The following EXOC2 variants were observed in gnomAD, a reference collection of about 807,000 sequenced individuals.
The protein encoded by EXOC2 is exocyst complex component 2, also known as SEC5-like 1.
Under a neutral mutation model 131.8 loss-of-function variants are expected in EXOC2, and 70 were observed. The observed-to-expected ratio is 0.53, with a 90% CI of 0.44 to 0.65. EXOC2 has a LOEUF of 0.65. Ranked by LOEUF, EXOC2 falls within the 30% of genes least tolerant of loss-of-function variation. EXOC2 has a pLI of 0.00. For synonymous variants in EXOC2, 411 were observed against 398.4 expected (o/e 1.03, Z -0.38); for missense variants, 923 against 1,108.6 (o/e 0.83, Z 2.38).
At chr6:681,369 G>C (rs977857064) in intron 1 of EXOC2, among the ~76,000 whole-genome samples, 1 of 152,184 alleles carries the variant, frequency 6.6e-6, no homozygotes, top group African/African-American at 2.4e-5. Context: ...GAGGTGAAAA[G>C]TTTGATATTC....
At chr6:605,415 C>T (rs146879411) in intron 7 of EXOC2, among the ~76,000 whole-genome samples, 1 of 152,346 alleles carries the variant, frequency 6.6e-6, no homozygotes, top group African/African-American at 2.4e-5. Context: ...TCAACTTCTT[C>T]CTGGTTTAGA....
At position 690,560 on chromosome 6, in the gene EXOC2, G is replaced by A. The variant is rs150674154; in HGVS notation, c.-44+2459C>T. Among the ~76,000 whole-genome samples, 1,469 of 152,112 alleles carry A rather than the reference G, an allele frequency of 9.7e-3. 14 individuals are homozygous for A. Among genetic ancestry groups the A allele is most frequent in the African/African-American group, 0.033 (1,366 of 41,496 alleles). On this transcript the variant is annotated intron_variant, in intron 1 of 27. Transcript: ENST00000230449. The stretch of plus-strand genomic sequence containing the variant: ...CTACTAAAAATACAAAAAGTTAGTC[G>A]GGCGTGGTGACGGGCGCCTGTAGTC...
chr6:673,546 A>G (rs1410802410), intron 1 of EXOC2, among the ~76,000 whole-genome samples: 2 of 152,144 alleles, frequency 1.3e-5, no homozygotes, highest in African/African-American at 4.8e-5. Flanking sequence ...AGGAGCGAAA[A>G]CGTTTCTAAC....
intron 13 of EXOC2, among the ~76,000 whole-genome samples, chr6:568,477 C>G (rs572517075): frequency 6.6e-6 from 1 of 152,200 alleles, no homozygotes; most frequent in Admixed American, 6.5e-5. Flanking sequence ...CAGACCCTTG[C>G]GGCTTGTCAG....
intron 2 of EXOC2, among the ~76,000 whole-genome samples, chr6:636,441 C>T (rs1762105756): frequency 6.6e-6 from 1 of 152,182 alleles, no homozygotes; most frequent in Non-Finnish European, 1.5e-5. Flanking sequence ...ATGCCGGTCA[C>T]AGTTAGAGAA....
chr6:672,465 C>A (rs928132114), intron 1 of EXOC2, among the ~76,000 whole-genome samples: 1 of 152,146 alleles, frequency 6.6e-6, no homozygotes, highest in African/African-American at 2.4e-5. Context: ...TGGTTTTTGT[C>A]TTTCATTTCT....
At chr6:624,992 T>C (rs545817254) in intron 4 of EXOC2, among the ~76,000 whole-genome samples, 25 of 152,358 alleles carry the variant, frequency 1.6e-4, no homozygotes, top group African/African-American at 5.3e-4. Context: ...GACCCTACTG[T>C]GTAAACTCAC....
At chr6:545,616 G>A (rs755267749) in intron 22 of EXOC2, among the ~76,000 whole-genome samples, 4 of 152,102 alleles carry the variant, frequency 2.6e-5, no homozygotes, top group Admixed American at 6.5e-5. Context: ...TTAACCTATC[G>A]AATTAAACAT....
At chr6:615,724 GA>G (rs199694152) in intron 6 of EXOC2, among the ~76,000 whole-genome samples, 125 of 101,894 alleles carry the variant, frequency 1.2e-3, no homozygotes, top group Middle Eastern at 5.7e-3. Context: ...CATCTCAAAA[GA>G]AAAAAAAAAA....
chr6:540,117 G>C (rs1011281301), intron 22 of EXOC2, among the ~76,000 whole-genome samples: 9 of 152,162 alleles, frequency 5.9e-5, no homozygotes, highest in Non-Finnish European at 1.3e-4. Flanking sequence ...ACCATGCCCA[G>C]CTAATTTTTT....
rs1478639184 is a variant in EXOC2, at chr6:530,225, GAA to G, written c.2380+2242_2380+2243del. Among the ~76,000 whole-genome samples the G allele has an allele frequency of 4.6e-5, 7 of 152,194 alleles. No homozygotes were observed. The East Asian group carries it at 1.3e-3, about 29-fold the overall frequency. On this transcript the variant is annotated intron_variant, in intron 23 of 27. Coordinates refer to ENST00000230449, the MANE Select transcript of EXOC2 (RefSeq NM_018303.6). ...TACTTTCCTACTGAGAAAATTTTGA[GAA>G]AAATCAGGCAAAAGCATATGGCAAA...
At chr6:560,510 C>A (rs149194748) in intron 17 of EXOC2, among the ~76,000 whole-genome samples, 1 of 152,192 alleles carries the variant, frequency 6.6e-6, no homozygotes, top group African/African-American at 2.4e-5. Flanking sequence ...CTATTTAATG[C>A]AGTCTATCCA....
At chr6:573,044 C>G (rs1236997969) in intron 12 of EXOC2, among the ~76,000 whole-genome samples, 2 of 152,200 alleles carry the variant, frequency 1.3e-5, no homozygotes, top group African/African-American at 4.8e-5. Flanking sequence ...GCTGTGCAGC[C>G]AGTTGTGAAA....
At chr6:623,455 A>G (rs1306312829) in intron 4 of EXOC2, among the ~76,000 whole-genome samples, 1 of 152,256 alleles carries the variant, frequency 6.6e-6, no homozygotes, top group Admixed American at 6.5e-5. Flanking sequence ...ACATGTATTG[A>G]GACTTATAGC....
chr6:656,745 C>A (rs898043016), intron 1 of EXOC2: 22 of 1,588,842 alleles, frequency 1.4e-5, no homozygotes, highest in African/African-American at 6.7e-5. Flanking sequence ...ACCTTCCATG[C>A]GAAACTGCTG....
chr6:668,896 TG>T (rs1763734429), intron 1 of EXOC2, among the ~76,000 whole-genome samples: 1 of 152,234 alleles, frequency 6.6e-6, no homozygotes, highest in South Asian at 2.1e-4. Context: ...ATTGCTGCAT[TG>T]TTTTTTTCTG....
At chr6:592,124 C>T (rs1338416825) in intron 11 of EXOC2, among the ~76,000 whole-genome samples, 2 of 152,064 alleles carry the variant, frequency 1.3e-5, no homozygotes, top group East Asian at 1.9e-4. Flanking sequence ...GTCTTACTAG[C>T]GATGGGTGCA....
intron 23 of EXOC2, among the ~76,000 whole-genome samples, chr6:520,707 CGGA>C (rs1179554967): frequency 7.9e-6 from 1 of 126,818 alleles, no homozygotes; most frequent in Non-Finnish European, 1.6e-5. Flanking sequence ...CGTCCACACT[CGGA>C]GACGAAAACA....
chr6:667,911 ATCCG>A (rs1347642323), intron 1 of EXOC2, among the ~76,000 whole-genome samples: 69 of 144,178 alleles, frequency 4.8e-4, no homozygotes, highest in Non-Finnish European at 9.5e-4. Context: ...CCATCCATCC[ATCCG>A]TCCATATCCT....
Sources: allele counts gnomAD v4.1 joint callset (sites outside exome capture counted in the v4.1 genomes callset), GRCh38; gene constraint gnomAD v4.1.1; transcripts MANE v1.5; gene names NCBI Gene and HGNC (gene_info 2026-07-23, HGNC 2026-07-21).